The following FGGY variants were observed in gnomAD, a reference collection of about 807,000 sequenced individuals.
FGGY encodes FGGY carbohydrate kinase domain-containing protein.
FGGY carries 72 observed loss-of-function variants against 71.3 expected under a neutral mutation model. That is an observed-to-expected ratio of 1.01 (90% CI 0.84 to 1.23). The LOEUF (loss-of-function observed/expected upper bound fraction) is 1.23. Among genes scored for constraint, FGGY ranks in the 50% most tolerant of loss-of-function variants. The pLI is 0.00. For synonymous variants in FGGY, 251 were observed against 250.3 expected (o/e 1.00, Z -0.02); for missense variants, 668 against 682.3 (o/e 0.98, Z 0.23).
intron 2 of FGGY, among the ~76,000 whole-genome samples, chr1:59,325,019 C>G (rs11577419): frequency 0.29 from 44,351 of 152,070 alleles, 7,038 homozygotes; most frequent in East Asian, 0.42. Flanking sequence ...GTCTGGAATA[C>G]TCTTCTCTTA....
chr1:59,695,845 A>G (rs1328143195), intron 14 of FGGY, among the ~76,000 whole-genome samples: 1 of 152,150 alleles, frequency 6.6e-6, no homozygotes, highest in Non-Finnish European at 1.5e-5. Flanking sequence ...TTCTTAAATG[A>G]CATATTATCC....
At position 59,512,457 on chromosome 1, in the gene FGGY, G is replaced by A; in HGVS notation, c.799+18G>A. On this transcript the variant is annotated intron_variant, in intron 7 of 15. Transcript: ENST00000303721. Reference sequence around the variant, plus strand: ...AGGACTAGGTAATCTCTTATTTGTTGCCTACAGCCAAAACCGTATTCAAAT... The same window carrying A: ...AGGACTAGGTAATCTCTTATTTGTTACCTACAGCCAAAACCGTATTCAAAT... The A allele has an allele frequency of 6.2e-7, 1 of 1,609,742 alleles. No individual in the cohort carries two copies. Among genetic ancestry groups the A allele is most frequent in the Non-Finnish European group, 8.5e-7 (1 of 1,177,766 alleles).
rs533541084 is a variant in FGGY at position 59,543,322 on chromosome 1, A to G, written c.800-10802A>G. 6.6e-5 allele frequency among the ~76,000 whole-genome samples: 10 copies of G among 152,200 alleles called. No homozygotes were observed. The East Asian group carries it at 1.9e-3, about 29-fold the overall frequency. ...ATCCGGTGGTGTGGGTCACCTTACAATCCCGTTTCTAGTCTCCTGGGAGTA... is the reference window on the plus strand; with the variant it reads ...ATCCGGTGGTGTGGGTCACCTTACAGTCCCGTTTCTAGTCTCCTGGGAGTA... On this transcript the variant is annotated intron_variant, in intron 7 of 15. Coordinates refer to ENST00000303721, the MANE Select transcript of FGGY (RefSeq NM_018291.5).
At chr1:59,400,461 T>C (rs2061809838) in intron 5 of FGGY, among the ~76,000 whole-genome samples, 1 of 152,112 alleles carries the variant, frequency 6.6e-6, no homozygotes. Context: ...TATCCTCTTA[T>C]GGCATACTTT....
chr1:59,477,757 C>T (rs375135649), intron 6 of FGGY, among the ~76,000 whole-genome samples: 6 of 152,266 alleles, frequency 3.9e-5, no homozygotes, highest in East Asian at 3.9e-4. Context: ...AATGATTTTA[C>T]GATGTTTATT....
intron 11 of FGGY, among the ~76,000 whole-genome samples, chr1:59,647,206 C>T (rs1055748989): frequency 6.6e-6 from 1 of 152,084 alleles, no homozygotes; most frequent in African/African-American, 2.4e-5. Flanking sequence ...TGTGCAGACC[C>T]AAGACAGGGT....
chr1:59,512,589 AT>A, intron 7 of FGGY, 150 bp downstream of exon 7: 1 of 651,880 alleles, frequency 1.5e-6, no homozygotes, highest in Non-Finnish European at 2.3e-6. Flanking sequence ...ACAGCTAGGC[AT>A]TTGGATAGAA....
chr1:59,323,391 A>G (rs2046760023), intron 2 of FGGY, among the ~76,000 whole-genome samples: 1 of 152,236 alleles, frequency 6.6e-6, no homozygotes, highest in African/African-American at 2.4e-5. Context: ...ATGCTATTGC[A>G]CTATAGCAAA....
chr1:59,678,661 T>C (rs531560991), intron 14 of FGGY, among the ~76,000 whole-genome samples: 2 of 152,308 alleles, frequency 1.3e-5, no homozygotes, highest in South Asian at 4.1e-4. Context: ...TCATTAGCTT[T>C]CTGTAATTTC....
chr1:59,365,150 G>C (rs1295565687), intron 4 of FGGY, among the ~76,000 whole-genome samples: 3 of 152,190 alleles, frequency 2.0e-5, no homozygotes, highest in Admixed American at 1.3e-4. Flanking sequence ...TATTCAGCGT[G>C]TAGTTGGTTG....
intron 14 of FGGY, among the ~76,000 whole-genome samples, chr1:59,696,152 C>T (rs1480203303): frequency 6.6e-6 from 1 of 152,166 alleles, no homozygotes; most frequent in African/African-American, 2.4e-5. Context: ...ATTCCATGGG[C>T]ACCAGCAGCC....
At chr1:59,413,411 A>G (rs963324256) in intron 5 of FGGY, among the ~76,000 whole-genome samples, 63 of 152,300 alleles carry the variant, frequency 4.1e-4, no homozygotes, top group African/African-American at 1.5e-3. Context: ...TGATATATGA[A>G]TTGAAATAAA....
chr1:59,406,665 G>T (rs574970383), intron 5 of FGGY, among the ~76,000 whole-genome samples: 1 of 152,226 alleles, frequency 6.6e-6, no homozygotes, highest in East Asian at 1.9e-4. Flanking sequence ...GAGGAACCTA[G>T]CCCTGTATTT....
intron 6 of FGGY, among the ~76,000 whole-genome samples, chr1:59,471,060 T>A (rs923580455): frequency 3.3e-5 from 5 of 152,144 alleles, no homozygotes; most frequent in Admixed American, 6.5e-5. Flanking sequence ...GAGGGAGGCT[T>A]ATATGGTTTG....
intron 14 of FGGY, among the ~76,000 whole-genome samples, chr1:59,675,221 C>A (rs1263264530): frequency 6.6e-6 from 1 of 152,102 alleles, no homozygotes; most frequent in Non-Finnish European, 1.5e-5. Context: ...CCCATGGTCT[C>A]AAGCTTAGGA....
Position 59,547,231 on chromosome 1 carries a change from A to G in FGGY, c.800-6893A>G, listed in dbSNP as rs550042751. Among the ~76,000 whole-genome samples, 198 of 152,180 alleles carry G rather than the reference A, an allele frequency of 1.3e-3. 2 individuals carry two copies. Among genetic ancestry groups the G allele is most frequent in the African/African-American group, 4.5e-3 (185 of 41,522 alleles). On this transcript the variant is annotated intron_variant, in intron 7 of 15. Transcript: ENST00000303721. ...CTCCCAAAGTGCTGAGATTACGGGC[A>G]TAAGCCACCATGCCCGGCCACCTTT...
intron 2 of FGGY, among the ~76,000 whole-genome samples, chr1:59,332,490 G>T (rs757307207): frequency 5.9e-5 from 9 of 152,154 alleles, no homozygotes; most frequent in Non-Finnish European, 1.2e-4. Flanking sequence ...GGGGTGAGGG[G>T]TTGGGAATGG....
intron 5 of FGGY, among the ~76,000 whole-genome samples, chr1:59,404,430 A>G (rs1194498930): frequency 1.3e-5 from 2 of 152,234 alleles, no homozygotes; most frequent in African/African-American, 4.8e-5. Context: ...CAAAGACTAG[A>G]GGAAAAATAG....
rs369493134 is a variant in FGGY at position 59,632,032 on chromosome 1, A to C, written c.1073+5983A>C. Among the ~76,000 whole-genome samples, 161 of 152,342 alleles carry C rather than the reference A, an allele frequency of 1.1e-3. No homozygotes were observed. In the South Asian group the frequency reaches 0.012, roughly 11 times the overall value. On this transcript the variant is annotated intron_variant, in intron 10 of 15. Coordinates refer to ENST00000303721, the MANE Select transcript of FGGY (RefSeq NM_018291.5). ...TTTTGGCATAATCCACAAGTGCTAG[A>C]TTCAAGGTTGGCAGCAAAGCAAAAC...
Sources: gnomAD v4.1 joint callset for allele counts (sites outside exome capture counted in the v4.1 genomes callset) on GRCh38, gnomAD v4.1.1 for gene constraint, MANE v1.5 for transcripts, NCBI Gene and HGNC (gene_info 2026-07-23, HGNC 2026-07-21) for gene names.